The following ZDHHC4 variants were observed in gnomAD, a reference collection of about 807,000 sequenced individuals.
ZDHHC4 encodes the protein zDHHC palmitoyltransferase 4.
A neutral mutation model predicts 36.7 loss-of-function variants in ZDHHC4; 42 were observed. The observed-to-expected ratio is 1.14, with a 90% CI of 0.89 to 1.48. The LOEUF is 1.48. Among genes scored for constraint, ZDHHC4 ranks in the 40% most tolerant of loss-of-function variants. The pLI is 0.00. For missense variants in ZDHHC4, 457 were observed against 421.5 expected (o/e 1.08, Z -0.74); for synonymous variants, 189 against 166.6 (o/e 1.13, Z -1.03).
rs1304213045 is a variant in ZDHHC4 at position 6,583,451 on chromosome 7, C to G, written c.496+20C>G. The G allele has an allele frequency of 6.3e-7, 1 of 1,595,074 alleles. No homozygotes were observed. Among genetic ancestry groups the G allele is most frequent in the East Asian group, 2.3e-5 (1 of 44,132 alleles). ...ACTGCAGTGAGTGTGGCTCTCGTGACTCCAGCGGCACCTCCAACAGCACAT... is the reference window on the plus strand; with the variant it reads ...ACTGCAGTGAGTGTGGCTCTCGTGAGTCCAGCGGCACCTCCAACAGCACAT... On this transcript the variant is annotated intron_variant, in intron 6 of 7. Coordinates refer to ENST00000335965, the MANE Select transcript of ZDHHC4 (RefSeq NM_001134389.2).
chr7:6,584,327 G>A (rs933757625), intron 6 of ZDHHC4: 2 of 152,168 alleles, frequency 1.3e-5, no homozygotes, highest in Admixed American at 6.5e-5. Flanking sequence ...TTAATAAAAT[G>A]TACAGTTGAA....
Position 6,582,065 on chromosome 7 carries a change from T to C in ZDHHC4, c.192-8T>C. The C allele has an allele frequency of 6.2e-7, 1 of 1,608,944 alleles. No homozygotes were observed. Among genetic ancestry groups the C allele is most frequent in the Non-Finnish European group, 8.5e-7 (1 of 1,176,416 alleles). ...CCCCATGAACAAGCCATGCCTGTTT[T>C]CTTTCAGAAACCACACCTTCATTGT... On this transcript the variant is annotated splice_polypyrimidine_tract_variant and splice_region_variant and intron_variant, in intron 4 of 7. Coordinates refer to ENST00000335965, the MANE Select transcript of ZDHHC4 (RefSeq NM_001134389.2).
At chr7:6,583,070 C>T (rs1780974687) in intron 5 of ZDHHC4, among the ~76,000 whole-genome samples, 1 of 152,038 alleles carries the variant, frequency 6.6e-6, no homozygotes, top group African/African-American at 2.4e-5. Context: ...CCAGCTACTA[C>T]TCAGGAGGCT....
In ZDHHC4 at chr7:6,580,654, A is replaced by T. The variant is rs765320314; in HGVS notation, c.93A>T (p.Lys31Asn). 1 of 1,614,162 alleles carries T rather than the reference A, an allele frequency of 6.2e-7. No individual in the cohort carries two copies. The highest frequency in any genetic ancestry group is 1.1e-5 in the South Asian group (1 of 91,088). Residue 31 changes from lysine to asparagine, a missense_variant, in exon 3 of 8, where the codon AAA (lysine) becomes AAT (asparagine). Transcript: ENST00000335965. The stretch of plus-strand genomic sequence containing the variant: ...TCTGCTCGAAAACCCATAGCTTGAA[A>T]GGCCTGGCCAGGGGAGGAGCACAGG... ...ICVCSKTHSLKGLARGGAQIF... is the reference protein window; with the variant it reads ...ICVCSKTHSLNGLARGGAQIF...
chr7:6,580,533 C>T, intron 2 of ZDHHC4, 22 bp from the exon 3 acceptor site: 8 of 1,595,220 alleles, frequency 5.0e-6, no homozygotes, highest in Non-Finnish European at 6.9e-6. Flanking sequence ...CAGATAGTCA[C>T]ACTCTTTCTG....
intron 3 of ZDHHC4, 150 bp downstream of exon 3, chr7:6,580,828 G>A (rs574365298): frequency 2.5e-5 from 18 of 712,566 alleles, no homozygotes; most frequent in South Asian, 2.3e-4. Context: ...GAGGCAGGAG[G>A]ATCCCTTGAG....
Position 6,580,810 on chromosome 7 carries a change from A to C in ZDHHC4, c.117+132A>C, listed in dbSNP as rs1780790689. 2.5e-5 allele frequency: 20 copies of C among 806,578 alleles called. No homozygotes were observed. In the South Asian group the frequency reaches 3.1e-4, roughly 12 times the overall value. The allele number at this position is 806,578 out of a possible 1,614,324, so 50.0% of individuals were successfully genotyped here. ...CCTCACACCTGTAATCCCGCTACTC[A>C]GGAAGCTGAGGCAGGAGGATCCCTT... On this transcript the variant is annotated intron_variant, in intron 3 of 7. Transcript: ENST00000335965.
At chr7:6,586,509 C>G (rs766873679) in intron 7 of ZDHHC4, among the ~76,000 whole-genome samples, 1 of 152,130 alleles carries the variant, frequency 6.6e-6, no homozygotes, top group Non-Finnish European at 1.5e-5. Context: ...GAGTCTCGCT[C>G]TTGTTGCCCA....
intron 3 of ZDHHC4, chr7:6,581,240 G>T (rs1225356707): frequency 3.4e-5 from 10 of 291,734 alleles, no homozygotes; most frequent in Admixed American, 3.1e-4. Context: ...CATTGAGTTG[G>T]GAGGGACCTG....
intron 7 of ZDHHC4, among the ~76,000 whole-genome samples, chr7:6,585,949 A>G (rs1015031280): frequency 2.0e-5 from 3 of 151,848 alleles, no homozygotes; most frequent in Non-Finnish European, 4.4e-5. Flanking sequence ...TCAGGAGTTC[A>G]AGACCAGCCT....
At chr7:6,578,350 G>T (rs1374655483) in intron 1 of ZDHHC4, among the ~76,000 whole-genome samples, 1 of 152,082 alleles carries the variant, frequency 6.6e-6, no homozygotes, top group Non-Finnish European at 1.5e-5. Context: ...GGCTGGTCTC[G>T]AACTCTTAAC....
chr7:6,586,765 C>T (rs1050192085), intron 7 of ZDHHC4, among the ~76,000 whole-genome samples: 5 of 152,110 alleles, frequency 3.3e-5, no homozygotes, highest in African/African-American at 4.8e-5. Flanking sequence ...CATGAAACCC[C>T]GTGCCCGGCC....
At chr7:6,578,212 C>T (rs1234995004) in intron 1 of ZDHHC4, among the ~76,000 whole-genome samples, 1 of 152,188 alleles carries the variant, frequency 6.6e-6, no homozygotes, top group African/African-American at 2.4e-5. Context: ...ACTGCAGCCT[C>T]GACCTCCTGG....
At chr7:6,582,421 C>T in intron 5 of ZDHHC4, 170 bp downstream of exon 5, 1 of 652,572 alleles carries the variant, frequency 1.5e-6, no homozygotes, top group Middle Eastern at 4.3e-4. Flanking sequence ...TTCTTCAACC[C>T]ATGGGTTATT....
intron 2 of ZDHHC4, among the ~76,000 whole-genome samples, chr7:6,580,235 A>T (rs1333724369): frequency 1.3e-5 from 2 of 152,032 alleles, no homozygotes; most frequent in Non-Finnish European, 1.5e-5. Context: ...TCCTGAGCTC[A>T]AGCGATCCAC....
At position 6,589,043 on chromosome 7, in the gene ZDHHC4, G is replaced by C. The variant is rs1359474165; in HGVS notation, c.*133G>C. 10 of 1,153,284 alleles carry C rather than the reference G, an allele frequency of 8.7e-6. No individual in the cohort carries two copies. The highest frequency in any genetic ancestry group is 1.1e-5 in the Non-Finnish European group (9 of 817,722). 71.4% of individuals were successfully genotyped at this position (1,153,284 alleles called of 1,614,324 possible). A position where few individuals can be genotyped will look rare whatever the true frequency, so the allele number is the denominator to read the frequency against. Reference sequence around the variant, plus strand: ...ACTTTCGGTGGGCAAGGGAGAGAGGGGAAAATGGGTGTTGACTGAGGAATC... The same window carrying C: ...ACTTTCGGTGGGCAAGGGAGAGAGGCGAAAATGGGTGTTGACTGAGGAATC... On this transcript the variant is annotated 3_prime_UTR_variant, in exon 8 of 8. Transcript: ENST00000335965.
intron 7 of ZDHHC4, among the ~76,000 whole-genome samples, chr7:6,585,661 C>T (rs965101306): frequency 3.3e-5 from 5 of 151,404 alleles, no homozygotes; most frequent in African/African-American, 1.2e-4. Context: ...AAAAAATTAG[C>T]TGGGTGTGGT....
At chr7:6,581,083 T>G (rs1267522453) in intron 3 of ZDHHC4, 1 of 256,662 alleles carries the variant, frequency 3.9e-6, no homozygotes, top group Admixed American at 5.1e-5. Context: ...CTGGATTAGA[T>G]GCCTGTGATT....
At chr7:6,579,901 C>T (rs747594986) in intron 2 of ZDHHC4, among the ~76,000 whole-genome samples, 7 of 151,900 alleles carry the variant, frequency 4.6e-5, no homozygotes, top group Admixed American at 2.0e-4. Flanking sequence ...TTTGGGAGGC[C>T]GAGGCAGGTG....
Sources: allele counts gnomAD v4.1 joint callset (sites outside exome capture counted in the v4.1 genomes callset), GRCh38; gene constraint gnomAD v4.1.1; transcripts MANE v1.5; gene names NCBI Gene and HGNC (gene_info 2026-07-23, HGNC 2026-07-21).